Variants in DLG2 observed in about 807,000 individuals in gnomAD.
DLG2 encodes discs large MAGUK scaffold protein 2, also known as disks large homolog 2.
Under a neutral mutation model 132.5 loss-of-function variants are expected in DLG2, and 45 were observed. The observed-to-expected ratio is 0.34, with a 90% CI of 0.27 to 0.44. The LOEUF is 0.44. Ranked by LOEUF, DLG2 falls within the 20% of genes least tolerant of loss-of-function variation. The probability of loss-of-function intolerance (pLI) is 1.00; values close to 1 mark genes in which losing one functional copy is unlikely to be tolerated. For synonymous variants in DLG2, 424 were observed against 419.6 expected, an observed-to-expected ratio of 1.01 and a Z score of -0.13; for missense variants, 1,045 against 1,196.9, an observed-to-expected ratio of 0.87 and a Z score of 1.87.
intron 6 of DLG2, among the ~76,000 whole-genome samples, chr11:84,650,701 T>C (rs1731037330): frequency 6.6e-6 from 1 of 151,932 alleles, no homozygotes. Flanking sequence ...TAGTCTCTTA[T>C]GATGTTACTT....
At chr11:85,589,670 G>A (rs972294136) in intron 3 of DLG2, among the ~76,000 whole-genome samples, 7 of 152,128 alleles carry the variant, frequency 4.6e-5, no homozygotes, top group African/African-American at 1.7e-4. Context: ...CCCAGTTGGT[G>A]AGGCCTGTCT....
chr11:83,512,551 C>T (rs563149701), intron 21 of DLG2, among the ~76,000 whole-genome samples: 1 of 151,632 alleles, frequency 6.6e-6, no homozygotes, highest in African/African-American at 2.4e-5. Flanking sequence ...TTATATTATA[C>T]TTTAAGTTTT....
intron 7 of DLG2, among the ~76,000 whole-genome samples, chr11:84,454,834 TGA>T (rs2099061119): frequency 6.6e-6 from 1 of 151,396 alleles, no homozygotes; most frequent in Admixed American, 6.6e-5. Context: ...AATGATAGGA[TGA>T]GAGAAGGAAG....
chr11:84,706,192 A>G (rs1049980017), intron 6 of DLG2, among the ~76,000 whole-genome samples: 2 of 151,788 alleles, frequency 1.3e-5, no homozygotes, highest in African/African-American at 4.8e-5. Context: ...TTAGAAAAAG[A>G]TCAATACTGT....
intron 7 of DLG2, among the ~76,000 whole-genome samples, chr11:84,322,864 A>G (rs1179046811): frequency 6.6e-6 from 1 of 152,178 alleles, no homozygotes; most frequent in Non-Finnish European, 1.5e-5. Flanking sequence ...TGCTGAGATT[A>G]CAGGAGTGAG....
intron 7 of DLG2, among the ~76,000 whole-genome samples, chr11:84,349,551 C>T (rs2098553461): frequency 3.3e-5 from 5 of 152,272 alleles, no homozygotes; most frequent in Admixed American, 3.3e-4. Flanking sequence ...ATGACACACC[C>T]TTGGATGTGA....
rs1395719563 is a variant in DLG2 at position 84,688,171 on chromosome 11, T to G, written c.358-153440A>C. The stretch of plus-strand genomic sequence containing the variant: ...TTATAAAGCATAGAAAAAATTTGTG[T>G]TGCAAAACCTATTTAGCACCATAAA... On this transcript the variant is annotated intron_variant, in intron 6 of 27. Coordinates refer to ENST00000376104, the MANE Select transcript of DLG2 (RefSeq NM_001142699.3). Among the ~76,000 whole-genome samples the G allele has an allele frequency of 3.5e-4, 54 of 152,166 alleles. 1 individual carries two copies. The highest frequency in any genetic ancestry group is 3.5e-3 in the Admixed American group (54 of 15,268).
chr11:83,947,308 A>T (rs1391849077), intron 14 of DLG2, among the ~76,000 whole-genome samples: 3 of 152,134 alleles, frequency 2.0e-5, no homozygotes, highest in Non-Finnish European at 4.4e-5. Flanking sequence ...CATGACTTTT[A>T]CAATTAGGCC....
intron 6 of DLG2, among the ~76,000 whole-genome samples, chr11:84,853,325 G>T (rs1410446131): frequency 6.6e-6 from 1 of 151,942 alleles, no homozygotes; most frequent in Non-Finnish European, 1.5e-5. Context: ...ATAATATAAC[G>T]TGAAAAGGGA....
chr11:84,003,545 C>A (rs1046147047), intron 11 of DLG2, among the ~76,000 whole-genome samples: 5 of 152,074 alleles, frequency 3.3e-5, no homozygotes, highest in Admixed American at 3.3e-4. Flanking sequence ...AGAAAGACAC[C>A]TTCTTCACAA....
At chr11:84,158,878 A>G (rs2095487092) in intron 9 of DLG2, among the ~76,000 whole-genome samples, 1 of 152,242 alleles carries the variant, frequency 6.6e-6, no homozygotes, top group Admixed American at 6.5e-5. Flanking sequence ...CATGTTAACC[A>G]AAGAAAATAT....
chr11:84,977,177 T>A (rs1037641137), intron 6 of DLG2, among the ~76,000 whole-genome samples: 1 of 152,156 alleles, frequency 6.6e-6, no homozygotes, highest in African/African-American at 2.4e-5. Flanking sequence ...ACACATGGCA[T>A]TCCCCTAGTA....
At chr11:85,365,758 G>A (rs919601366) in intron 3 of DLG2, among the ~76,000 whole-genome samples, 1 of 152,168 alleles carries the variant, frequency 6.6e-6, no homozygotes, top group Non-Finnish European at 1.5e-5. Context: ...CAGCCATAAA[G>A]AAGGATGAGT....
chr11:84,713,612 A>C (rs916814566), intron 6 of DLG2, among the ~76,000 whole-genome samples: 1 of 152,148 alleles, frequency 6.6e-6, no homozygotes, highest in African/African-American at 2.4e-5. Context: ...CAGGAGAAAA[A>C]CTAGACTACC....
chr11:83,788,471 G>C (rs1218364222), intron 17 of DLG2, among the ~76,000 whole-genome samples: 1 of 152,192 alleles, frequency 6.6e-6, no homozygotes, highest in African/African-American at 2.4e-5. Context: ...CTCCCTCGGA[G>C]GGAAGAGACT....
intron 6 of DLG2, among the ~76,000 whole-genome samples, chr11:84,594,523 A>G (rs902957868): frequency 6.6e-6 from 1 of 152,266 alleles, no homozygotes; most frequent in African/African-American, 2.4e-5. Context: ...GACAGAAGAA[A>G]GCATGAGAAA....
chr11:85,384,136 T>C (rs17148131), intron 3 of DLG2, among the ~76,000 whole-genome samples: 1 of 152,256 alleles, frequency 6.6e-6, no homozygotes, highest in Non-Finnish European at 1.5e-5. Context: ...ATAATACATA[T>C]GAAAGTCCAA....
chr11:84,370,362 T>C (rs762963953), intron 7 of DLG2, among the ~76,000 whole-genome samples: 5 of 152,156 alleles, frequency 3.3e-5, no homozygotes, highest in Non-Finnish European at 7.3e-5. Flanking sequence ...AAATCCACCA[T>C]TTCCAAGGAA....
At chr11:84,541,561 G>T (rs571444609) in intron 6 of DLG2, among the ~76,000 whole-genome samples, 1 of 152,150 alleles carries the variant, frequency 6.6e-6, no homozygotes, top group African/African-American at 2.4e-5. Flanking sequence ...ACTTTATACT[G>T]TAATGACCTC....
Sources: allele counts gnomAD v4.1 joint callset (sites outside exome capture counted in the v4.1 genomes callset), GRCh38; gene constraint gnomAD v4.1.1; transcripts MANE v1.5; gene names NCBI Gene and HGNC (gene_info 2026-07-23, HGNC 2026-07-21).